Variants in FRMD4B observed in about 807,000 individuals in gnomAD.
FRMD4B encodes FERM domain-containing protein 4B.
Under a neutral mutation model 141.5 loss-of-function variants are expected in FRMD4B, and 74 were observed. That is an observed-to-expected ratio of 0.52 (90% CI 0.43 to 0.63). FRMD4B has a LOEUF of 0.63. FRMD4B is among the 30% of genes least tolerant of loss of function. The pLI, the probability that FRMD4B is intolerant of heterozygous loss-of-function variation, is 0.00. For synonymous variants in FRMD4B, 506 were observed against 467.9 expected (o/e 1.08, Z -1.05); for missense variants, 1,366 against 1,253.4 (o/e 1.09, Z -1.36).
intron 1 of FRMD4B, among the ~76,000 whole-genome samples, chr3:69,524,366 G>A (rs1005936187): frequency 6.6e-6 from 1 of 152,192 alleles, no homozygotes; most frequent in African/African-American, 2.4e-5. Context: ...TTAAGTCACA[G>A]AGTTAGGATT....
At chr3:69,509,369 C>G (rs1378382740) in intron 1 of FRMD4B, among the ~76,000 whole-genome samples, 1 of 152,144 alleles carries the variant, frequency 6.6e-6, no homozygotes, top group Non-Finnish European at 1.5e-5. Flanking sequence ...GGAATTTTTG[C>G]AAAAGCTAGC....
chr3:69,186,326 A>G (rs537810900), intron 19 of FRMD4B, among the ~76,000 whole-genome samples: 7 of 142,616 alleles, frequency 4.9e-5, no homozygotes, highest in African/African-American at 1.8e-4. Flanking sequence ...GTTCACTTCA[A>G]TTGTGAAATC....
chr3:69,363,392 C>CTT (rs1270266886), intron 1 of FRMD4B, among the ~76,000 whole-genome samples: 35 of 136,448 alleles, frequency 2.6e-4, no homozygotes, highest in African/African-American at 7.5e-4. Context: ...GCCTCCATGC[C>CTT]TTTTTTTTTT....
Position 69,304,692 on chromosome 3 carries a change from C to T in FRMD4B, c.324-2257G>A, listed in dbSNP as rs542856363. Among the ~76,000 whole-genome samples the T allele has an allele frequency of 7.5e-4, 114 of 152,232 alleles. 1 individual carries two copies. Among genetic ancestry groups the T allele is most frequent in the African/African-American group, 2.6e-3 (108 of 41,544 alleles). ...TGACACTGGGGCTCAGAACTGTTTACGTGCCTTTTCCGAGCTTGTCCAACT... is the reference window on the plus strand; with the variant it reads ...TGACACTGGGGCTCAGAACTGTTTATGTGCCTTTTCCGAGCTTGTCCAACT... On this transcript the variant is annotated intron_variant, in intron 3 of 22. Coordinates refer to ENST00000398540, the MANE Select transcript of FRMD4B (RefSeq NM_015123.3).
chr3:69,196,943 G>A lies in FRMD4B; in HGVS notation c.1049C>T (p.Ala350Val). ...CAAGTAAAACTGATGCTGACTAATTGCCATTACCCAAATGGACTTGATGAG... is the reference window on the plus strand; with the variant it reads ...CAAGTAAAACTGATGCTGACTAATTACCATTACCCAAATGGACTTGATGAG... ...SSLIKSIWVM[A>V]ISQHQFYLDR... The change falls in exon 13 of 23, where the codon GCA (alanine) becomes GTA (valine). Residue 350 changes from alanine (A) to valine (V), a missense_variant. Coordinates refer to ENST00000398540, the MANE Select transcript of FRMD4B (RefSeq NM_015123.3). 1 of 1,610,716 alleles carries A rather than the reference G, an allele frequency of 6.2e-7. No individual in the cohort carries two copies. Among genetic ancestry groups the A allele is most frequent in the Non-Finnish European group, 8.5e-7 (1 of 1,176,914 alleles).
At chr3:69,298,329 C>T (rs758639726) in intron 4 of FRMD4B, among the ~76,000 whole-genome samples, 1 of 152,248 alleles carries the variant, frequency 6.6e-6, no homozygotes, top group Non-Finnish European at 1.5e-5. Context: ...GCACCATCTC[C>T]AGTGAATGTG....
Position 69,246,273 on chromosome 3 carries a change from T to C in FRMD4B, c.581+2953A>G, listed in dbSNP as rs2093425076. ...GAATTTGAGACCAGCCTGGGTAACA[T>C]GGTGAATCCCTGTTTCTACAAAAAA... On this transcript the variant is annotated intron_variant, in intron 7 of 22. Coordinates refer to ENST00000398540, the MANE Select transcript of FRMD4B (RefSeq NM_015123.3). Among the ~76,000 whole-genome samples the C allele has an allele frequency of 4.6e-5, 7 of 152,010 alleles. No individual in the cohort carries two copies. In the South Asian group the frequency reaches 1.2e-3, roughly 27 times the overall value.
chr3:69,387,172 C>G (rs929349134), upstream of FRMD4B, among the ~76,000 whole-genome samples: 1 of 152,150 alleles, frequency 6.6e-6, no homozygotes, highest in Non-Finnish European at 1.5e-5. Context: ...GGTCTGTTGC[C>G]CAGGCTGGAG....
At chr3:69,476,690 CT>C (rs1706006455) in intron 1 of FRMD4B, among the ~76,000 whole-genome samples, 1 of 151,860 alleles carries the variant, frequency 6.6e-6, no homozygotes, top group African/African-American at 2.4e-5. Flanking sequence ...AATGAGGGCT[CT>C]TTTTTGGTTC....
chr3:69,218,151 A>C (rs2093158917), intron 10 of FRMD4B, among the ~76,000 whole-genome samples, 171 bp downstream of exon 10: 1 of 152,206 alleles, frequency 6.6e-6, no homozygotes, highest in Non-Finnish European at 1.5e-5. Flanking sequence ...TAGGATGAAG[A>C]GAGGTCTTGG....
chr3:69,404,971 C>T (rs919845538), intron 2 of FRMD4B, among the ~76,000 whole-genome samples: 9 of 152,098 alleles, frequency 5.9e-5, no homozygotes, highest in Non-Finnish European at 1.3e-4. Context: ...GGTCCAATAG[C>T]CTAGAAGAGA....
At position 69,196,276 on chromosome 3, in the gene FRMD4B, T is replaced by G. The variant is rs769166038; in HGVS notation, c.1213A>C (p.Asn405His). The change falls in exon 14 of 23, where the codon AAT becomes CAT. Residue 405 changes from asparagine (N) to histidine (H), a missense_variant. Coordinates refer to ENST00000398540, the MANE Select transcript of FRMD4B (RefSeq NM_015123.3). Reference sequence around the variant, plus strand: ...TTACCTGAGGAGATTAAACTGCCATTACTTGCCATGATGAACTGACTTTTC... The same window carrying G: ...TTACCTGAGGAGATTAAACTGCCATGACTTGCCATGATGAACTGACTTTTC... ...ETKSQFIMAS[N>H]GSLISSGSQD... The G allele has an allele frequency of 6.2e-7, 1 of 1,605,704 alleles. No homozygotes were observed. Among genetic ancestry groups the G allele is most frequent in the South Asian group, 1.1e-5 (1 of 89,140 alleles).
At chr3:69,284,284 T>C (rs1297480545) in intron 5 of FRMD4B, among the ~76,000 whole-genome samples, 1 of 152,108 alleles carries the variant, frequency 6.6e-6, no homozygotes, top group Non-Finnish European at 1.5e-5. Flanking sequence ...CCTCTGAGGA[T>C]TCGGTAGAGC....
intron 7 of FRMD4B, among the ~76,000 whole-genome samples, chr3:69,229,197 T>A (rs2093282833): frequency 6.6e-6 from 1 of 151,938 alleles, no homozygotes; most frequent in African/African-American, 2.4e-5. Flanking sequence ...GGCTAAATTT[T>A]TAATTTTTCA....
At chr3:69,416,239 T>A (rs1216917954) in intron 2 of FRMD4B, among the ~76,000 whole-genome samples, 1 of 152,214 alleles carries the variant, frequency 6.6e-6, no homozygotes, top group Non-Finnish European at 1.5e-5. Flanking sequence ...AAAAAGCAGG[T>A]GTTCCAAGGA....
At chr3:69,189,744 C>G (rs1046644979) in intron 18 of FRMD4B, among the ~76,000 whole-genome samples, 152 bp downstream of exon 18, 2 of 152,196 alleles carry the variant, frequency 1.3e-5, no homozygotes, top group Admixed American at 6.5e-5. Context: ...TAATCATACA[C>G]TTCCTTTCCC....
At chr3:69,397,678 T>C (rs1704494879) in intron 2 of FRMD4B, among the ~76,000 whole-genome samples, 1 of 152,152 alleles carries the variant, frequency 6.6e-6, no homozygotes, top group South Asian at 2.1e-4. Flanking sequence ...TCTATATAGA[T>C]AGAAATTAGA....
chr3:69,224,596 A>G lies in FRMD4B; in HGVS notation c.665+11T>C, dbSNP rs1300670359. 3 of 1,380,020 alleles carry G rather than the reference A, an allele frequency of 2.2e-6. No individual in the cohort carries two copies. Among genetic ancestry groups the G allele is most frequent in the Non-Finnish European group, 2.1e-6 (2 of 973,244 alleles). The allele number at this position is 1,380,020 out of a possible 1,614,324, so 85.5% of individuals were successfully genotyped here. A position where few individuals can be genotyped will look rare whatever the true frequency, so the allele number is the denominator to read the frequency against. On this transcript the variant is annotated intron_variant, in intron 8 of 22. Transcript: ENST00000398540. ...TGAAAATGAGACACCTGTTATGTGG[A>G]TTTGGCTTACCAGTAGGCAAGGGAT...
chr3:69,272,321 T>A (rs994376749), intron 5 of FRMD4B, among the ~76,000 whole-genome samples: 1 of 152,290 alleles, frequency 6.6e-6, no homozygotes, highest in Middle Eastern at 3.4e-3. Flanking sequence ...TTATTGTTTT[T>A]AGTAGAGATG....
Sources: gnomAD v4.1 joint callset for allele counts (sites outside exome capture counted in the v4.1 genomes callset) on GRCh38, gnomAD v4.1.1 for gene constraint, MANE v1.5 for transcripts, NCBI Gene and HGNC (gene_info 2026-07-23, HGNC 2026-07-21) for gene names.